CACNB4: variants seen among roughly 807,000 people sequenced by gnomAD.
CACNB4 encodes the protein calcium voltage-gated channel auxiliary subunit beta 4.
In CACNB4, 32 loss-of-function variants were observed where a neutral mutation model predicts 71.2. That is an observed-to-expected ratio of 0.45 (90% CI 0.34 to 0.60). CACNB4 has a LOEUF of 0.60. Among genes scored for constraint, CACNB4 ranks in the 20% least tolerant of loss-of-function variants. CACNB4 has a pLI of 0.01. For missense variants in CACNB4, 464 were observed against 647.9 expected (o/e 0.72, Z 3.08); for synonymous variants, 231 against 236.9 (o/e 0.97, Z 0.23).
intron 2 of CACNB4, among the ~76,000 whole-genome samples, chr2:151,950,107 A>T (rs143149074): frequency 6.6e-6 from 1 of 152,202 alleles, no homozygotes; most frequent in African/African-American, 2.4e-5. Flanking sequence ...CCACCCCAAG[A>T]GAAGGACTGG....
intron 2 of CACNB4, among the ~76,000 whole-genome samples, chr2:152,073,939 G>C (rs932360408): frequency 2.0e-5 from 3 of 152,218 alleles, no homozygotes; most frequent in African/African-American, 7.2e-5. Flanking sequence ...AGAGGCAGGG[G>C]ATAGGGGCAG....
chr2:152,032,159 G>A (rs1684321242), intron 2 of CACNB4, among the ~76,000 whole-genome samples: 1 of 152,158 alleles, frequency 6.6e-6, no homozygotes, highest in South Asian at 2.1e-4. Flanking sequence ...TGTTAAAACT[G>A]CCCCACAGAT....
At chr2:151,909,963 C>A (rs13421290) in intron 2 of CACNB4, among the ~76,000 whole-genome samples, 1 of 152,206 alleles carries the variant, frequency 6.6e-6, no homozygotes, top group African/African-American at 2.4e-5. Context: ...GCCATACTGT[C>A]TTCCACAATG....
At chr2:151,971,360 A>G (rs947585074) in intron 2 of CACNB4, 7 of 609,372 alleles carry the variant, frequency 1.1e-5, no homozygotes, top group Admixed American at 5.6e-5. Flanking sequence ...TTTCAACAGC[A>G]CAGAACGGTA....
chr2:151,841,812 T>C, intron 13 of CACNB4, 91 bp downstream of exon 13: 1 of 1,046,108 alleles, frequency 9.6e-7, no homozygotes, highest in South Asian at 1.4e-5. Flanking sequence ...CCTCTTCAGA[T>C]TAAGGATGAC....
At chr2:152,029,512 GAAAAGAAAAGAAAAGA>G (rs1684162313) in intron 2 of CACNB4, among the ~76,000 whole-genome samples, 3 of 133,546 alleles carry the variant, frequency 2.2e-5, no homozygotes, top group African/African-American at 8.6e-5. Context: ...AAAAAAAAAA[GAAAAGAAAAGAAAAGA>G]AAAGAAAAGA....
At chr2:151,999,505 AC>A (rs1682275778) in intron 2 of CACNB4, among the ~76,000 whole-genome samples, 1 of 152,086 alleles carries the variant, frequency 6.6e-6, no homozygotes, top group Non-Finnish European at 1.5e-5. Context: ...ATGCACAACA[AC>A]AGCCCCAGTC....
chr2:151,962,686 T>C (rs747068704), intron 2 of CACNB4, among the ~76,000 whole-genome samples: 3 of 152,268 alleles, frequency 2.0e-5, no homozygotes, highest in Non-Finnish European at 4.4e-5. Context: ...TGACATTCTC[T>C]AGCATTGAAA....
At chr2:151,908,839 CA>C (rs898003676) in intron 2 of CACNB4, among the ~76,000 whole-genome samples, 1 of 152,066 alleles carries the variant, frequency 6.6e-6, no homozygotes, top group Non-Finnish European at 1.5e-5. Context: ...AGCAGGTTAT[CA>C]AATCCCATGC....
rs556841853 is a variant in CACNB4 at position 151,993,549 on chromosome 2, T to C, written c.147+104781A>G. On this transcript the variant is annotated intron_variant, in intron 2 of 13. Coordinates refer to ENST00000539935, the MANE Select transcript of CACNB4 (RefSeq NM_000726.5). ...GACTACTTCTCTGAACACGGAGGCA[T>C]AGGTTGGGGAGCACTTTTTTTTTTT... 3.5e-5 allele frequency among the ~76,000 whole-genome samples: 5 copies of C among 143,686 alleles called. No individual in the cohort carries two copies. In the East Asian group the frequency reaches 1.1e-3, roughly 31 times the overall value. 94.3% of individuals were successfully genotyped at this position (143,686 alleles called of 152,430 possible).
intron 2 of CACNB4, among the ~76,000 whole-genome samples, chr2:151,906,970 C>T (rs181832851): frequency 3.3e-4 from 51 of 152,316 alleles, no homozygotes; most frequent in African/African-American, 1.1e-3. Context: ...CATTTGTTAT[C>T]ATTGCACTTA....
chr2:151,869,454 A>C lies in CACNB4; in HGVS notation c.700-219T>G, dbSNP rs1457731403. ...TTGGTTCTCCTCCAGGGTGTTGAGG[A>C]ATAAACCAGCAGTGTTCACCAGACC... On this transcript the variant is annotated intron_variant, in intron 8 of 13. Coordinates refer to ENST00000539935, the MANE Select transcript of CACNB4 (RefSeq NM_000726.5). The C allele has an allele frequency of 1.0e-5, 5 of 482,868 alleles. No homozygotes were observed. In the Admixed American group the frequency reaches 1.8e-4, roughly 17 times the overall value. 29.9% of individuals were successfully genotyped at this position (482,868 alleles called of 1,614,324 possible). A position where few individuals can be genotyped will look rare whatever the true frequency, so the allele number is the denominator to read the frequency against.
At chr2:152,058,252 T>C (rs1431204817) in intron 2 of CACNB4, among the ~76,000 whole-genome samples, 2 of 152,156 alleles carry the variant, frequency 1.3e-5, no homozygotes, top group Non-Finnish European at 2.9e-5. Flanking sequence ...AACAGACTAA[T>C]ACAGTAAATT....
chr2:151,981,547 A>G (rs13413766), intron 2 of CACNB4, among the ~76,000 whole-genome samples: 111,324 of 152,022 alleles, frequency 0.73, 41,083 homozygotes, highest in East Asian at 0.93. Context: ...AAGAGGGGAT[A>G]TTGGTAGATA....
At chr2:152,045,720 A>C (rs549178139) in intron 2 of CACNB4, among the ~76,000 whole-genome samples, 94 of 152,332 alleles carry the variant, frequency 6.2e-4, no homozygotes, top group African/African-American at 2.2e-3. Context: ...CCAAGAGCAC[A>C]GACTGGAATT....
At chr2:152,053,307 C>A (rs2105301496) in intron 2 of CACNB4, among the ~76,000 whole-genome samples, 1 of 152,132 alleles carries the variant, frequency 6.6e-6, no homozygotes. Flanking sequence ...TCAATCATAC[C>A]TACTTAATGA....
At chr2:152,077,761 G>A (rs534909753) in intron 2 of CACNB4, among the ~76,000 whole-genome samples, 13 of 152,170 alleles carry the variant, frequency 8.5e-5, no homozygotes, top group Middle Eastern at 3.4e-3. Context: ...ACCCGAGACT[G>A]AGAGGAGAAG....
chr2:152,097,757 T>C (rs1004471368), intron 2 of CACNB4, among the ~76,000 whole-genome samples: 8 of 152,166 alleles, frequency 5.3e-5, no homozygotes, highest in African/African-American at 1.7e-4. Context: ...TTAATTCCTA[T>C]TTAACCAGAT....
At chr2:151,980,834 T>C (rs143797564) in intron 2 of CACNB4, among the ~76,000 whole-genome samples, 55 of 152,208 alleles carry the variant, frequency 3.6e-4, no homozygotes, top group African/African-American at 1.3e-3. Flanking sequence ...TGACATAGAG[T>C]TGTTTTAACA....
Sources: gnomAD v4.1 joint callset for allele counts (sites outside exome capture counted in the v4.1 genomes callset) on GRCh38, gnomAD v4.1.1 for gene constraint, MANE v1.5 for transcripts, NCBI Gene and HGNC (gene_info 2026-07-23, HGNC 2026-07-21) for gene names.